The following TLE2 variants were observed in gnomAD, a reference collection of about 807,000 sequenced individuals.
TLE2 encodes TLE family member 2, transcriptional corepressor.
Under a neutral mutation model 97.2 loss-of-function variants are expected in TLE2, and 74 were observed. The ratio of observed to expected loss-of-function variants is 0.76; its 90% CI spans 0.63 to 0.92. The LOEUF (loss-of-function observed/expected upper bound fraction) is 0.92, where lower values mean the gene tolerates loss of function less well. Ranked by LOEUF, TLE2 falls within the 40% of genes least tolerant of loss-of-function variation. The probability of loss-of-function intolerance (pLI) is 0.00; values close to 1 mark genes in which losing one functional copy is unlikely to be tolerated. For synonymous variants in TLE2, 499 were observed against 432.1 expected (o/e 1.15, Z -1.92); for missense variants, 1,038 against 1,008.7 (o/e 1.03, Z -0.39).
At chr19:3,002,616 G>A in intron 17 of TLE2, 113 bp from the exon 18 acceptor site, 1 of 1,329,908 alleles carries the variant, frequency 7.5e-7, no homozygotes, top group Non-Finnish European at 1.0e-6. Context: ...ATGGCTCACT[G>A]CAGCCTTGAC....
intron 19 of TLE2, among the ~76,000 whole-genome samples, chr19:3,000,435 C>T (rs903621044): frequency 1.3e-5 from 2 of 151,950 alleles, no homozygotes; most frequent in Non-Finnish European, 2.9e-5. Context: ...TTAGAAAAAC[C>T]AACAGGCTAC....
chr19:3,018,704 T>A (rs1027562667), intron 7 of TLE2, among the ~76,000 whole-genome samples: 5 of 151,722 alleles, frequency 3.3e-5, no homozygotes, highest in Non-Finnish European at 7.4e-5. Context: ...AACCTCCGCC[T>A]CCCAGGTTCA....
At chr19:3,031,255 G>A (rs894690217), upstream of TLE2, among the ~76,000 whole-genome samples, 5 of 152,042 alleles carry the variant, frequency 3.3e-5, no homozygotes, top group South Asian at 1.0e-3. Context: ...CTTGGGGGAG[G>A]GTAGCCTTGG....
At chr19:3,001,454 A>G (rs2089357066) in intron 18 of TLE2, among the ~76,000 whole-genome samples, 1 of 151,902 alleles carries the variant, frequency 6.6e-6, no homozygotes, top group African/African-American at 2.4e-5. Flanking sequence ...AAGATATCCC[A>G]TGTACTATTT....
chr19:3,033,771 G>A (rs562623275), upstream of TLE2, among the ~76,000 whole-genome samples: 2 of 152,212 alleles, frequency 1.3e-5, no homozygotes. Context: ...TGTAATCCCA[G>A]CACTTTGGGA....
chr19:3,014,519 C>A, intron 10 of TLE2, 51 bp downstream of exon 10: 5 of 1,494,286 alleles, frequency 3.3e-6, no homozygotes, highest in Non-Finnish European at 4.5e-6. Context: ...AGAAAACCCA[C>A]CCCTTGCTCT....
chr19:3,038,857 C>G, intron 1 of TLE2, among the ~76,000 whole-genome samples: 1 of 152,164 alleles, frequency 6.6e-6, no homozygotes, highest in East Asian at 1.9e-4. Flanking sequence ...CCAGCCTGAC[C>G]AACATGGAGA....
At chr19:3,036,070 A>G (rs919717560) in intron 1 of TLE2, among the ~76,000 whole-genome samples, 3 of 152,076 alleles carry the variant, frequency 2.0e-5, no homozygotes, top group African/African-American at 7.2e-5. Flanking sequence ...TAGTTAAGTC[A>G]CGCTGGACGC....
Position 3,028,604 on chromosome 19 carries a change from C to A in TLE2, c.122+102G>T, listed in dbSNP as rs60331094. The A allele has an allele frequency of 1.4e-3, 1,998 of 1,385,198 alleles. 39 individuals carry two copies. The African/African-American group carries it at 0.026, about 18-fold the overall frequency. The allele number at this position is 1,385,198 out of a possible 1,614,324, so 85.8% of individuals were successfully genotyped here. A position where few individuals can be genotyped will look rare whatever the true frequency, so the allele number is the denominator to read the frequency against. ...ACCTGGAGGCCTTTGTCGCGCCCCC[C>A]CTCCAACCGGGAGCCCCTCCTCCCC... On this transcript the variant is annotated intron_variant, in intron 2 of 19. Transcript: ENST00000262953.
chr19:2,997,875 C>G lies in TLE2; in HGVS notation c.2205G>C (p.Lys735Asn). Residue 735 changes from lysine to asparagine, a missense_variant, in exon 20 of 20, where the codon AAG (lysine) becomes AAC (asparagine). Physicochemically the swap from Lys to Asn is moderately conservative, Grantham distance 94. Transcript: ENST00000262953. Reference protein sequence around the residue: ...KYIVTGSGDKKATVYEVVY With the variant: ...KYIVTGSGDKNATVYEVVY The stretch of plus-strand genomic sequence containing the variant: ...AGTAGACCACCTCATACACGGTGGC[C>G]TTCTTGTCCCCCGAGCCTGTCACGA... 6.2e-7 allele frequency: 1 copy of G among 1,611,732 alleles called. No homozygotes were observed. The highest frequency in any genetic ancestry group is 1.7e-5 in the Admixed American group (1 of 59,654).
rs371398220 is a variant in TLE2, at chr19:3,006,495, G to A, written c.1425C>T (p.Gly475=). Residue 475 remains glycine, a synonymous_variant, in exon 15 of 20, where the codon GGC becomes GGT. Coordinates refer to ENST00000262953, the MANE Select transcript of TLE2 (RefSeq NM_003260.5). ...ISGSTQHVYT[G]GKGCVKVWDV... ...CCCACACCTTCACACAGCCCTTGCCGCCCGTGTACACATGCTGTGTGGAGC... is the reference window on the plus strand; with the variant it reads ...CCCACACCTTCACACAGCCCTTGCCACCCGTGTACACATGCTGTGTGGAGC... 88 of 1,609,170 alleles carry A rather than the reference G, an allele frequency of 5.5e-5. No homozygotes were observed. Among genetic ancestry groups the A allele is most frequent in the Non-Finnish European group, 6.9e-5 (81 of 1,178,756 alleles).
chr19:3,008,000 T>C (rs930290489), intron 14 of TLE2, among the ~76,000 whole-genome samples: 1 of 152,128 alleles, frequency 6.6e-6, no homozygotes, highest in Non-Finnish European at 1.5e-5. Context: ...GAGAATCGCT[T>C]GAACCCAGGA....
Position 3,027,844 on chromosome 19 carries a change from A to T in TLE2, c.216T>A (p.Ile72=). The change falls in exon 4 of 20, where the codon ATT becomes ATA. Residue 72 remains isoleucine, a synonymous_variant. Coordinates refer to ENST00000262953, the MANE Select transcript of TLE2 (RefSeq NM_003260.5). The stretch of plus-strand genomic sequence containing the variant: ...ACCCAGTTACCTGCTTATGCATTTC[A>T]ATGTTGAGCCCGTACGACATCTCAT... ...MYYEMSYGLN[I]EMHKQAEIVK... is the part of the protein sequence containing the mutation. 2.5e-6 allele frequency: 4 copies of T among 1,611,754 alleles called. No individual in the cohort carries two copies. The South Asian group carries it at 4.4e-5, about 18-fold the overall frequency.
At chr19:3,039,900 C>T (rs747265385) in intron 1 of TLE2, among the ~76,000 whole-genome samples, 3 of 152,196 alleles carry the variant, frequency 2.0e-5, no homozygotes, top group African/African-American at 4.8e-5. Flanking sequence ...TCCGCCACTG[C>T]GTCACTGTGA....
intron 8 of TLE2, 95 bp downstream of exon 8, chr19:3,017,745 A>G (rs2089743341): frequency 8.1e-7 from 1 of 1,232,060 alleles, no homozygotes; most frequent in Admixed American, 2.4e-5. Flanking sequence ...AGCCACCATG[A>G]TCGACCTAGG....
chr19:3,002,866 T>G (rs2089395554), intron 17 of TLE2, among the ~76,000 whole-genome samples: 2 of 151,986 alleles, frequency 1.3e-5, no homozygotes, highest in Admixed American at 6.6e-5. Flanking sequence ...GCCCGGGTAA[T>G]TTTTGTATTT....
chr19:3,006,380 T>C, intron 15 of TLE2, 40 bp downstream of exon 15: 2 of 1,587,212 alleles, frequency 1.3e-6, no homozygotes, highest in Non-Finnish European at 1.7e-6. Context: ...GCCCCACCCC[T>C]CACCTGTGAG....
In TLE2 at chr19:3,007,677, G is replaced by A. The variant is rs187285533; in HGVS notation, c.1251-1008C>T. Among the ~76,000 whole-genome samples, 35 of 152,290 alleles carry A rather than the reference G, an allele frequency of 2.3e-4. No homozygotes were observed. The East Asian group carries it at 5.6e-3, about 24-fold the overall frequency. Reference sequence around the variant, plus strand: ...GTAAACAAGCACTTAATAAATGTTCGTTCAACCGAGGACCCACAAAGAAAC... The same window carrying A: ...GTAAACAAGCACTTAATAAATGTTCATTCAACCGAGGACCCACAAAGAAAC... On this transcript the variant is annotated intron_variant, in intron 14 of 19. Transcript: ENST00000262953.
At chr19:3,000,826 T>C in intron 18 of TLE2, 103 bp from the exon 19 acceptor site, 1 of 485,508 alleles carries the variant, frequency 2.1e-6, no homozygotes, top group Non-Finnish European at 3.5e-6. Flanking sequence ...GCCTCTCCCT[T>C]TTTTTTTTTT....
Sources: allele counts gnomAD v4.1 joint callset (sites outside exome capture counted in the v4.1 genomes callset), GRCh38; gene constraint gnomAD v4.1.1; transcripts MANE v1.5; gene names NCBI Gene and HGNC (gene_info 2026-07-23, HGNC 2026-07-21).